Variants in TRIM37 observed in about 807,000 individuals in gnomAD.
TRIM37 encodes E3 ubiquitin-protein ligase TRIM37.
TRIM37 carries 80 observed loss-of-function variants against 129.8 expected under a neutral mutation model. The observed-to-expected ratio is 0.62, with a 90% CI of 0.51 to 0.74. The LOEUF is 0.74. Ranked by LOEUF, TRIM37 falls within the 30% of genes least tolerant of loss-of-function variation. The probability of loss-of-function intolerance (pLI) is 0.00; values close to 1 mark genes in which losing one functional copy is unlikely to be tolerated. For synonymous variants in TRIM37, 389 were observed against 387.1 expected (o/e 1.00, Z -0.06); for missense variants, 1,054 against 1,176.5 (o/e 0.90, Z 1.52).
intron 22 of TRIM37, among the ~76,000 whole-genome samples, chr17:59,011,765 A>T (rs1025707636): frequency 3.3e-5 from 5 of 152,230 alleles, no homozygotes; most frequent in African/African-American, 1.2e-4. Context: ...TACAGGATTT[A>T]AAAAATGGTC....
At chr17:59,049,545 T>G in intron 14 of TRIM37, 152 bp from the exon 15 acceptor site, 1 of 750,108 alleles carries the variant, frequency 1.3e-6, no homozygotes, top group East Asian at 2.7e-5. Flanking sequence ...CAGGCTGAAG[T>G]GCAGTGGTGC....
intron 9 of TRIM37, 56 bp downstream of exon 9, chr17:59,070,767 T>A: frequency 6.4e-7 from 1 of 1,556,076 alleles, no homozygotes; most frequent in Non-Finnish European, 8.8e-7. Flanking sequence ...TTGAAACAAG[T>A]ATATGCATTT....
intron 24 of TRIM37, among the ~76,000 whole-genome samples, chr17:58,986,945 G>A (rs2031876012): frequency 6.6e-6 from 1 of 152,096 alleles, no homozygotes; most frequent in Admixed American, 6.6e-5. Flanking sequence ...ATTCTTTTCT[G>A]AGAGCCCCAA....
intron 2 of TRIM37, among the ~76,000 whole-genome samples, chr17:59,103,322 G>C (rs916376513): frequency 1.3e-5 from 2 of 151,782 alleles, no homozygotes; most frequent in Non-Finnish European, 2.9e-5. Context: ...CCAAAATCTT[G>C]GACTTCCTCA....
At chr17:58,991,193 A>G (rs1377282080) in intron 24 of TRIM37, among the ~76,000 whole-genome samples, 1 of 150,644 alleles carries the variant, frequency 6.6e-6, no homozygotes, top group Non-Finnish European at 1.5e-5. Flanking sequence ...AAAAAAAAAA[A>G]GAAAAAAGTT....
chr17:58,992,471 C>G (rs897919462), intron 24 of TRIM37, among the ~76,000 whole-genome samples: 3 of 151,886 alleles, frequency 2.0e-5, no homozygotes, highest in African/African-American at 7.3e-5. Context: ...ACCTCCACCT[C>G]CCGGGTTCAA....
chr17:58,996,629 A>G (rs906912759), downstream of TRIM37, among the ~76,000 whole-genome samples: 2 of 151,788 alleles, frequency 1.3e-5, no homozygotes, highest in Admixed American at 6.6e-5. Context: ...AAAAATAGAA[A>G]AATTAGCCAG....
chr17:59,084,178 T>C, intron 4 of TRIM37, 89 bp from the exon 5 acceptor site: 1 of 942,390 alleles, frequency 1.1e-6, no homozygotes, highest in Admixed American at 1.9e-5. Context: ...AACAGGTCAG[T>C]TTTAAATGAT....
At chr17:59,059,967 G>T (rs2041330258) in intron 12 of TRIM37, among the ~76,000 whole-genome samples, 1 of 152,180 alleles carries the variant, frequency 6.6e-6, no homozygotes, top group African/African-American at 2.4e-5. Context: ...ATCCTGTCAA[G>T]GAGTTCTTTC....
intron 21 of TRIM37, among the ~76,000 whole-genome samples, chr17:59,015,242 C>T (rs1158836690): frequency 1.3e-5 from 2 of 151,954 alleles, no homozygotes; most frequent in Admixed American, 6.6e-5. Context: ...GAGTTCAAGA[C>T]CAGCCTGGCC....
intron 12 of TRIM37, among the ~76,000 whole-genome samples, chr17:59,060,052 G>A (rs144834871): frequency 1.3e-3 from 197 of 152,194 alleles, no homozygotes; most frequent in Middle Eastern, 3.4e-3. Flanking sequence ...AACCCATTAC[G>A]GATCTCTAGA....
At chr17:59,018,049 TG>T (rs1452951719) in intron 19 of TRIM37, among the ~76,000 whole-genome samples, 3 of 152,162 alleles carry the variant, frequency 2.0e-5, no homozygotes, top group Non-Finnish European at 4.4e-5. Flanking sequence ...AAAGTATTAT[TG>T]GATTAAAAAG....
At position 59,040,144 on chromosome 17, in the gene TRIM37, G is replaced by A. The variant is rs572634313; in HGVS notation, c.1753+1669C>T. 5.9e-5 allele frequency among the ~76,000 whole-genome samples: 9 copies of A among 152,096 alleles called. No individual in the cohort carries two copies. The East Asian group carries it at 1.6e-3, about 26-fold the overall frequency. ...TGGTCTCAAACTCCTGGACTCAAGC[G>A]ATGCACCCACATCAGCCTCCCAAAG... On this transcript the variant is annotated intron_variant, in intron 17 of 23. Transcript: ENST00000262294.
intron 17 of TRIM37, among the ~76,000 whole-genome samples, chr17:59,035,861 A>C (rs1675910598): frequency 6.6e-6 from 1 of 152,198 alleles, no homozygotes; most frequent in African/African-American, 2.4e-5. Context: ...GTTCTTCTCC[A>C]TTTGTGCCAA....
intron 13 of TRIM37, among the ~76,000 whole-genome samples, chr17:59,053,489 G>A (rs557070170): frequency 9.2e-5 from 14 of 152,050 alleles, no homozygotes; most frequent in Non-Finnish European, 1.9e-4. Flanking sequence ...TGAGTTCCCT[G>A]TGGACAAAAA....
At chr17:59,104,824 G>A (rs939016084) in intron 1 of TRIM37, among the ~76,000 whole-genome samples, 2 of 152,046 alleles carry the variant, frequency 1.3e-5, no homozygotes, top group Non-Finnish European at 2.9e-5. Flanking sequence ...AGGCATGATG[G>A]TTCATTACTG....
chr17:59,040,901 C>CCGGGCGCGGTGG (rs1171753350), intron 17 of TRIM37, among the ~76,000 whole-genome samples: 1 of 151,686 alleles, frequency 6.6e-6, no homozygotes, highest in African/African-American at 2.4e-5. Context: ...AAAAAATTAG[C>CCGGGCGCGGTGG]CGGGCGCGGT....
chr17:59,052,761 C>T (rs2040467956), intron 13 of TRIM37, among the ~76,000 whole-genome samples: 2 of 152,124 alleles, frequency 1.3e-5, no homozygotes, highest in South Asian at 2.1e-4. Flanking sequence ...TCGAGACCAG[C>T]GTGGCCAACA....
At chr17:58,975,094 C>G in the TRIM37 span, among the ~76,000 whole-genome samples, 11 of 152,136 alleles carry the variant, frequency 7.2e-5, no homozygotes, top group Admixed American at 7.2e-4. Context: ...TCAAATGCTA[C>G]CCTTGACTGA....
Sources: gnomAD v4.1 joint callset for allele counts (sites outside exome capture counted in the v4.1 genomes callset) on GRCh38, gnomAD v4.1.1 for gene constraint, MANE v1.5 for transcripts, NCBI Gene and HGNC (gene_info 2026-07-23, HGNC 2026-07-21) for gene names.